The following TPD52 variants were observed in gnomAD, a reference collection of about 807,000 sequenced individuals.
The protein encoded by TPD52 is prostate and colon associated protein.
Under a neutral mutation model 31.3 loss-of-function variants are expected in TPD52, and 17 were observed. The observed-to-expected ratio is 0.54, with a 90% CI of 0.37 to 0.82. TPD52 has a LOEUF of 0.82. Among genes scored for constraint, TPD52 ranks in the 40% least tolerant of loss-of-function variants. The pLI, the probability that TPD52 is intolerant of heterozygous loss-of-function variation, is 0.00. For synonymous variants in TPD52, 83 were observed against 89.6 expected, an observed-to-expected ratio of 0.93 and a Z score of 0.42; for missense variants, 212 against 240.1, an observed-to-expected ratio of 0.88 and a Z score of 0.77.
At position 80,075,286 on chromosome 8, in the gene TPD52, G is replaced by A. The variant is rs115124235; in HGVS notation, c.20-10693C>T. ...GCCACCACGCCTGGCCAATGTCTGG[G>A]TTATTAAAGAGTAAAGGAAACAGAG... On this transcript the variant is annotated intron_variant, in intron 1 of 7. Coordinates refer to ENST00000518937, the MANE Select transcript of TPD52 (RefSeq NM_001025253.3). Among the ~76,000 whole-genome samples, 1,410 of 152,162 alleles carry A rather than the reference G, an allele frequency of 9.3e-3. 18 individuals are homozygous for A. The highest frequency in any genetic ancestry group is 0.033 in the African/African-American group (1,357 of 41,552).
chr8:80,147,219 G>T (rs7814474), intron 1 of TPD52, among the ~76,000 whole-genome samples: 1 of 152,202 alleles, frequency 6.6e-6, no homozygotes, highest in Non-Finnish European at 1.5e-5. Flanking sequence ...ATTGCTCCTG[G>T]AAGTTAAAAG....
intron 1 of TPD52, among the ~76,000 whole-genome samples, chr8:80,144,104 C>G (rs1810028910): frequency 1.3e-5 from 2 of 152,064 alleles, no homozygotes; most frequent in South Asian, 4.1e-4. Flanking sequence ...AAGGTATAAT[C>G]AGAATCAACC....
chr8:80,145,855 T>C (rs1366916603), intron 1 of TPD52, among the ~76,000 whole-genome samples: 8 of 152,198 alleles, frequency 5.3e-5, no homozygotes, highest in South Asian at 4.1e-4. Flanking sequence ...TCTGAGATAA[T>C]GTTTTTCCTG....
intron 1 of TPD52, among the ~76,000 whole-genome samples, chr8:80,129,832 T>C (rs1239148241): frequency 6.6e-6 from 1 of 151,844 alleles, no homozygotes; most frequent in Non-Finnish European, 1.5e-5. Context: ...CCTGAGTAGC[T>C]GGGACTACAG....
intron 1 of TPD52, among the ~76,000 whole-genome samples, chr8:80,124,969 A>G (rs1808503252): frequency 6.6e-6 from 1 of 152,188 alleles, no homozygotes; most frequent in Non-Finnish European, 1.5e-5. Flanking sequence ...GTTTGCTACA[A>G]TCGATAAACC....
At chr8:80,069,371 C>T (rs1425269547) in intron 1 of TPD52, among the ~76,000 whole-genome samples, 1 of 152,080 alleles carries the variant, frequency 6.6e-6, no homozygotes, top group Non-Finnish European at 1.5e-5. Context: ...GAGGCTGTGG[C>T]GGGAGGATCG....
At chr8:80,050,290 T>G in intron 5 of TPD52, 155 bp downstream of exon 5, 1 of 570,098 alleles carries the variant, frequency 1.8e-6, no homozygotes, top group Non-Finnish European at 2.9e-6. Context: ...AACCCTCCCT[T>G]GAAATTAGGA....
chr8:80,090,603 T>C (rs1257689003), intron 1 of TPD52, among the ~76,000 whole-genome samples: 1 of 152,200 alleles, frequency 6.6e-6, no homozygotes, highest in Non-Finnish European at 1.5e-5. Context: ...AAACTTTGCA[T>C]TAGAAACTTA....
intron 1 of TPD52, among the ~76,000 whole-genome samples, chr8:80,072,883 A>G (rs1457850351): frequency 6.6e-6 from 1 of 151,730 alleles, no homozygotes; most frequent in Non-Finnish European, 1.5e-5. Flanking sequence ...CAGGTGGATC[A>G]CTTGAAGCCA....
chr8:80,105,729 CTT>C (rs57266800), intron 1 of TPD52, among the ~76,000 whole-genome samples: 1,260 of 112,654 alleles, frequency 0.011, 24 homozygotes, highest in East Asian at 0.075. Flanking sequence ...CCCAGGTCTG[CTT>C]TTTTTTTTTT....
At chr8:80,054,981 C>T (rs1408614326) in intron 2 of TPD52, among the ~76,000 whole-genome samples, 1 of 152,118 alleles carries the variant, frequency 6.6e-6, no homozygotes, top group Non-Finnish European at 1.5e-5. Context: ...ATGATTTGCC[C>T]AAAGTCATCA....
At chr8:80,171,379 CCCGAGTCCA>C in intron 1 of TPD52, 37 bp downstream of exon 1, 2 of 1,589,692 alleles carry the variant, frequency 1.3e-6, no homozygotes, top group Non-Finnish European at 1.7e-6. Flanking sequence ...CGAGTCCAAG[CCCGAGTCCA>C]AGCCCGAGCC....
chr8:80,104,585 A>C (rs1456688791), intron 1 of TPD52, among the ~76,000 whole-genome samples: 2 of 148,122 alleles, frequency 1.4e-5, no homozygotes, highest in African/African-American at 2.4e-5. Context: ...AAACAACAAC[A>C]AAAAAAACAG....
intron 1 of TPD52, among the ~76,000 whole-genome samples, chr8:80,073,288 T>C (rs938974649): frequency 4.6e-5 from 7 of 152,230 alleles, no homozygotes; most frequent in African/African-American, 9.6e-5. Context: ...ATATTCACAA[T>C]GTTGTACAGC....
chr8:80,093,701 T>A (rs989466821), intron 1 of TPD52, among the ~76,000 whole-genome samples: 2 of 151,828 alleles, frequency 1.3e-5, no homozygotes, highest in African/African-American at 4.9e-5. Context: ...GGGTCAACCA[T>A]TAAAAAAAAT....
intron 1 of TPD52, chr8:80,171,167 C>A: frequency 1.4e-6 from 1 of 697,320 alleles, no homozygotes; most frequent in Non-Finnish European, 2.6e-6. Context: ...CGCCACCTCC[C>A]AGAACCTTCT....
chr8:80,080,415 CTG>C (rs1382702898), intron 1 of TPD52: 1 of 1,614,062 alleles, frequency 6.2e-7, no homozygotes, highest in Admixed American at 1.7e-5. Context: ...CAAACGGGGA[CTG>C]GTAGTCCTCA....
chr8:80,075,771 C>T (rs1367143526), intron 1 of TPD52, among the ~76,000 whole-genome samples: 1 of 152,140 alleles, frequency 6.6e-6, no homozygotes, highest in Non-Finnish European at 1.5e-5. Context: ...CTTAAATTTC[C>T]TCTCTAGGAA....
rs779389191 is a variant in TPD52 at position 80,072,798 on chromosome 8, C to CATATATATAT, written c.20-8215_20-8206dup. Reference sequence around the variant, plus strand: ...ATATATACACATACACACACACACACATATATATATATATATAAACTTGGC... The same window carrying CATATATATAT: ...ATATATACACATACACACACACACACATATATATATATATATATATATATATAAACTTGGC... On this transcript the variant is annotated intron_variant, in intron 1 of 7. Transcript: ENST00000518937. 6.4e-5 allele frequency among the ~76,000 whole-genome samples: 9 copies of CATATATATAT among 141,084 alleles called. 1 individual carries two copies. Among genetic ancestry groups the CATATATATAT allele is most frequent in the African/African-American group, 2.7e-4 (9 of 33,342 alleles). 92.6% of individuals were successfully genotyped at this position (141,084 alleles called of 152,430 possible).
Sources: allele counts gnomAD v4.1 joint callset (sites outside exome capture counted in the v4.1 genomes callset), GRCh38; gene constraint gnomAD v4.1.1; transcripts MANE v1.5; gene names NCBI Gene and HGNC (gene_info 2026-07-23, HGNC 2026-07-21).